MSRA: variants seen among roughly 807,000 people sequenced by gnomAD.
MSRA encodes the protein methionine sulfoxide reductase A.
MSRA carries 54 observed loss-of-function variants against 31.3 expected under a neutral mutation model. The observed-to-expected ratio is 1.73, with a 90% CI of 1.39 to 2.17. The LOEUF (loss-of-function observed/expected upper bound fraction) is 2.17. Among genes scored for constraint, MSRA ranks in the 30% most tolerant of loss-of-function variants. MSRA has a pLI of 0.00. For missense variants in MSRA, 507 were observed against 300.9 expected (o/e 1.69, Z -5.07); for synonymous variants, 169 against 116.5 (o/e 1.45, Z -2.90).
At chr8:10,322,147 C>A (rs1350722775) in intron 5 of MSRA, among the ~76,000 whole-genome samples, 1 of 152,144 alleles carries the variant, frequency 6.6e-6, no homozygotes, top group Non-Finnish European at 1.5e-5. Flanking sequence ...AGTTTATTAT[C>A]AAGTACCTGA....
chr8:10,270,185 G>A (rs917533781), intron 3 of MSRA, among the ~76,000 whole-genome samples: 17 of 152,224 alleles, frequency 1.1e-4, no homozygotes, highest in African/African-American at 4.1e-4. Context: ...AGAAAAATGT[G>A]TTTTATATAT....
intron 1 of MSRA, among the ~76,000 whole-genome samples, chr8:10,060,137 G>T (rs1451477273): frequency 6.6e-6 from 1 of 152,054 alleles, no homozygotes; most frequent in Non-Finnish European, 1.5e-5. Context: ...TAACTGCTAT[G>T]CATGCCAAAT....
intron 3 of MSRA, among the ~76,000 whole-genome samples, chr8:10,263,760 A>G (rs1798602237): frequency 6.6e-6 from 1 of 152,140 alleles, no homozygotes; most frequent in African/African-American, 2.4e-5. Flanking sequence ...AGAGAACCAG[A>G]AAGCCTTTCA....
intron 2 of MSRA, among the ~76,000 whole-genome samples, chr8:10,221,091 G>A (rs1298925531): frequency 2.0e-5 from 3 of 152,214 alleles, no homozygotes; most frequent in Non-Finnish European, 4.4e-5. Flanking sequence ...AAGCCCAATA[G>A]CATGGAGTCT....
intron 5 of MSRA, among the ~76,000 whole-genome samples, chr8:10,413,468 T>C (rs1026177125): frequency 6.6e-6 from 1 of 152,208 alleles, no homozygotes; most frequent in East Asian, 1.9e-4. Context: ...AGTTGCCACA[T>C]TATTTTTTAA....
chr8:10,183,480 G>A (rs927938720), intron 1 of MSRA, among the ~76,000 whole-genome samples: 1 of 152,168 alleles, frequency 6.6e-6, no homozygotes, highest in Non-Finnish European at 1.5e-5. Context: ...ACAGTGCTTG[G>A]AAGGCCATTG....
At chr8:10,136,001 G>T (rs933700172) in intron 1 of MSRA, among the ~76,000 whole-genome samples, 2 of 152,156 alleles carry the variant, frequency 1.3e-5, no homozygotes, top group Non-Finnish European at 2.9e-5. Context: ...GCCCCATGAG[G>T]TGAGGGGACC....
intron 1 of MSRA, among the ~76,000 whole-genome samples, chr8:10,114,118 TC>T (rs1307127218): frequency 2.2e-4 from 34 of 152,366 alleles, no homozygotes; most frequent in African/African-American, 7.2e-4. Context: ...TCATGGTTCA[TC>T]TATGTTGCAG....
intron 5 of MSRA, among the ~76,000 whole-genome samples, chr8:10,351,918 G>C (rs1024123493): frequency 3.3e-5 from 5 of 152,210 alleles, no homozygotes; most frequent in Admixed American, 3.3e-4. Context: ...CTGTCCGACG[G>C]CCACATTTAA....
intron 5 of MSRA, among the ~76,000 whole-genome samples, chr8:10,334,218 G>C (rs1295115099): frequency 3.3e-5 from 5 of 151,206 alleles, no homozygotes; most frequent in Non-Finnish European, 7.4e-5. Context: ...GTGTGTGTCT[G>C]GGTATATATA....
At chr8:10,400,861 C>T (rs149032460) in intron 5 of MSRA, among the ~76,000 whole-genome samples, 3 of 152,244 alleles carry the variant, frequency 2.0e-5, no homozygotes, top group East Asian at 1.9e-4. Flanking sequence ...TCACACCATA[C>T]ACAACAATTA....
At chr8:10,355,956 G>A (rs1297200223) in intron 5 of MSRA, among the ~76,000 whole-genome samples, 5 of 151,858 alleles carry the variant, frequency 3.3e-5, no homozygotes, top group Non-Finnish European at 1.5e-5. Flanking sequence ...GATTGAGGAA[G>A]GGGTCTGTTC....
chr8:10,063,072 G>C (rs1231142017), intron 1 of MSRA, among the ~76,000 whole-genome samples: 1 of 152,116 alleles, frequency 6.6e-6, no homozygotes, highest in Non-Finnish European at 1.5e-5. Context: ...GATGCTGTAA[G>C]CCTGAACTCA....
chr8:10,219,971 G>T (rs904747234), intron 2 of MSRA, among the ~76,000 whole-genome samples: 1 of 151,658 alleles, frequency 6.6e-6, no homozygotes, highest in African/African-American at 2.4e-5. Flanking sequence ...ACCACTGAAA[G>T]CCTAAGAAGT....
At chr8:10,348,108 G>A (rs1301684832) in intron 5 of MSRA, among the ~76,000 whole-genome samples, 1 of 152,086 alleles carries the variant, frequency 6.6e-6, no homozygotes, top group African/African-American at 2.4e-5. Context: ...GATGGATTTG[G>A]GATTGATGAA....
At chr8:10,303,218 G>A (rs539394833) in intron 4 of MSRA, among the ~76,000 whole-genome samples, 17 of 152,334 alleles carry the variant, frequency 1.1e-4, no homozygotes, top group African/African-American at 2.6e-4. Flanking sequence ...GCAATGCCAC[G>A]TCCTGATAGA....
At chr8:10,292,823 C>T (rs1467176191) in intron 3 of MSRA, among the ~76,000 whole-genome samples, 4 of 152,108 alleles carry the variant, frequency 2.6e-5, no homozygotes, top group Admixed American at 2.6e-4. Context: ...GGTGGGCGAG[C>T]CCTACAGGCT....
intron 1 of MSRA, among the ~76,000 whole-genome samples, chr8:10,066,586 T>C (rs187971175): frequency 1.3e-5 from 2 of 152,286 alleles, no homozygotes; most frequent in African/African-American, 4.8e-5. Context: ...CATGCTGGAG[T>C]GCAATGGCGC....
chr8:10,259,707 G>C (rs1209178300), intron 3 of MSRA, among the ~76,000 whole-genome samples: 1 of 152,222 alleles, frequency 6.6e-6, no homozygotes, highest in Non-Finnish European at 1.5e-5. Flanking sequence ...GTTTCCTGGG[G>C]AAACAAGGGA....
Sources: gnomAD v4.1 joint callset for allele counts (sites outside exome capture counted in the v4.1 genomes callset) on GRCh38, gnomAD v4.1.1 for gene constraint, MANE v1.5 for transcripts, NCBI Gene and HGNC (gene_info 2026-07-23, HGNC 2026-07-21) for gene names.